Variants in MOB3B observed in about 807,000 individuals in gnomAD.
MOB3B encodes MOB kinase activator-like 2B.
Under a neutral mutation model 18.7 loss-of-function variants are expected in MOB3B, and 7 were observed. The ratio of observed to expected loss-of-function variants is 0.37; its 90% CI spans 0.21 to 0.70. The LOEUF (loss-of-function observed/expected upper bound fraction) is 0.70. Among genes scored for constraint, MOB3B ranks in the 30% least tolerant of loss-of-function variants. The pLI is 0.52. For synonymous variants in MOB3B, 111 were observed against 99.9 expected, an observed-to-expected ratio of 1.11 and a Z score of -0.66; for missense variants, 253 against 281.3, an observed-to-expected ratio of 0.90 and a Z score of 0.72.
At chr9:27,342,914 T>A (rs943036809) in intron 3 of MOB3B, among the ~76,000 whole-genome samples, 1 of 150,744 alleles carries the variant, frequency 6.6e-6, no homozygotes, top group Admixed American at 6.6e-5. Flanking sequence ...GGAGCGTCTC[T>A]GCCTGGCCAC....
intron 1 of MOB3B, among the ~76,000 whole-genome samples, chr9:27,483,411 C>T (rs995946578): frequency 9.9e-5 from 15 of 152,060 alleles, no homozygotes; most frequent in Non-Finnish European, 1.8e-4. Flanking sequence ...GGATTACAGG[C>T]GTGAGCCACC....
chr9:27,439,203 A>G (rs1822559780), intron 2 of MOB3B, among the ~76,000 whole-genome samples: 1 of 152,186 alleles, frequency 6.6e-6, no homozygotes. Context: ...CTGAGGAGTA[A>G]AGAGGAAAGG....
At chr9:27,405,302 T>G (rs903152210) in intron 2 of MOB3B, among the ~76,000 whole-genome samples, 8 of 151,988 alleles carry the variant, frequency 5.3e-5, no homozygotes, top group Non-Finnish European at 8.8e-5. Flanking sequence ...GAGACAGGGC[T>G]TCACCATATT....
At chr9:27,338,053 G>A (rs745783028) in intron 3 of MOB3B, among the ~76,000 whole-genome samples, 26 of 152,120 alleles carry the variant, frequency 1.7e-4, no homozygotes, top group Middle Eastern at 3.2e-3. Context: ...TGGCTGGAAA[G>A]GTACTGCTGA....
rs1405667544 is a variant in MOB3B at position 27,328,186 on chromosome 9, T to A, written c.*2401A>T. The A allele has an allele frequency of 6.6e-6, 1 of 151,872 alleles. No individual in the cohort carries two copies. The highest frequency in any genetic ancestry group is 1.5e-5 in the Non-Finnish European group (1 of 67,984). 9.4% of individuals were successfully genotyped at this position (151,872 alleles called of 1,614,324 possible). On this transcript the variant is annotated 3_prime_UTR_variant, in exon 4 of 4. Transcript: ENST00000262244. ...CTTTTACTTTAAAATTTCCCAAAAT[T>A]AAAATGAAAGCAGAAAAAGAAGGAG...
At chr9:27,483,389 C>T (rs901660027) in intron 1 of MOB3B, among the ~76,000 whole-genome samples, 15 of 152,048 alleles carry the variant, frequency 9.9e-5, no homozygotes, top group South Asian at 6.2e-4. Flanking sequence ...GCCTCGGCCT[C>T]CCAAAGTGCT....
At chr9:27,400,005 G>A (rs1019097588) in intron 2 of MOB3B, among the ~76,000 whole-genome samples, 1 of 152,188 alleles carries the variant, frequency 6.6e-6, no homozygotes, top group Non-Finnish European at 1.5e-5. Context: ...CACAGCCCCT[G>A]CCTTAAATCA....
chr9:27,335,846 G>A (rs1200976176), intron 3 of MOB3B, among the ~76,000 whole-genome samples: 1 of 152,186 alleles, frequency 6.6e-6, no homozygotes, highest in East Asian at 1.9e-4. Context: ...ACACTGTTGT[G>A]CGACCGTTTA....
At chr9:27,515,575 T>G (rs1820219433) in intron 1 of MOB3B, among the ~76,000 whole-genome samples, 2 of 152,224 alleles carry the variant, frequency 1.3e-5, no homozygotes, top group South Asian at 4.1e-4. Context: ...AAACTTATTC[T>G]TTATTATTAT....
At chr9:27,403,246 T>G (rs1821912380) in intron 2 of MOB3B, among the ~76,000 whole-genome samples, 1 of 152,200 alleles carries the variant, frequency 6.6e-6, no homozygotes, top group African/African-American at 2.4e-5. Flanking sequence ...CCAGTTTATA[T>G]CTCTGGATTT....
chr9:27,469,865 C>T (rs1442000519), intron 1 of MOB3B, among the ~76,000 whole-genome samples: 3 of 151,988 alleles, frequency 2.0e-5, no homozygotes, highest in South Asian at 2.1e-4. Flanking sequence ...GCAGGAGGAT[C>T]GCTTGAAGCC....
chr9:27,446,086 TA>T (rs1428527745), intron 2 of MOB3B, among the ~76,000 whole-genome samples: 1 of 152,186 alleles, frequency 6.6e-6, no homozygotes, highest in Non-Finnish European at 1.5e-5. Flanking sequence ...AGGCCTGAAC[TA>T]AGGTTCAGTT....
chr9:27,526,348 AAAAAT>A (rs1285706858), intron 1 of MOB3B: 1 of 152,258 alleles, frequency 6.6e-6, no homozygotes, highest in African/African-American at 2.4e-5. Flanking sequence ...ACCATTTAGT[AAAAAT>A]AACTATCAGC....
chr9:27,521,610 T>C (rs1820332827), intron 1 of MOB3B, among the ~76,000 whole-genome samples: 1 of 152,126 alleles, frequency 6.6e-6, no homozygotes, highest in South Asian at 2.1e-4. Flanking sequence ...TTGGAACAGT[T>C]CAAGAAGTTT....
At chr9:27,527,344 T>G (rs75633587) in intron 1 of MOB3B, among the ~76,000 whole-genome samples, 4,989 of 151,844 alleles carry the variant, frequency 0.033, 111 homozygotes, top group Middle Eastern at 0.065. Context: ...TAAAGTGCCT[T>G]GCAGTACTTC....
chr9:27,495,474 C>T (rs572830727), intron 1 of MOB3B, among the ~76,000 whole-genome samples: 11 of 152,274 alleles, frequency 7.2e-5, no homozygotes, highest in Middle Eastern at 6.8e-3. Context: ...CACCATAGCT[C>T]GTGCCACACT....
At chr9:27,524,966 A>G (rs1820409789) in intron 1 of MOB3B, 1 of 1,555,064 alleles carries the variant, frequency 6.4e-7, no homozygotes, top group South Asian at 1.2e-5. Context: ...AATAAGGTAT[A>G]TTTTTGGAAT....
intron 2 of MOB3B, among the ~76,000 whole-genome samples, chr9:27,385,503 T>C (rs1346896642): frequency 6.6e-6 from 1 of 152,160 alleles, no homozygotes; most frequent in Non-Finnish European, 1.5e-5. Flanking sequence ...TGGGGTCCTC[T>C]CCTGCATACC....
intron 2 of MOB3B, among the ~76,000 whole-genome samples, chr9:27,363,154 C>T (rs1046125304): frequency 2.6e-5 from 4 of 152,188 alleles, no homozygotes; most frequent in African/African-American, 9.7e-5. Context: ...ATCTCCATTA[C>T]ATAACTAAAA....
Sources: gnomAD v4.1 joint callset for allele counts (sites outside exome capture counted in the v4.1 genomes callset) on GRCh38, gnomAD v4.1.1 for gene constraint, MANE v1.5 for transcripts, NCBI Gene and HGNC (gene_info 2026-07-23, HGNC 2026-07-21) for gene names.